Variants in CDH19 observed in about 807,000 individuals in gnomAD.
The protein encoded by CDH19 is cadherin 19.
A neutral mutation model predicts 64.2 loss-of-function variants in CDH19; 67 were observed. The ratio of observed to expected loss-of-function variants is 1.04; its 90% CI spans 0.86 to 1.28. CDH19 has a LOEUF of 1.28. Ranked by LOEUF, CDH19 falls within the 50% of genes most tolerant of loss-of-function variation. The probability of loss-of-function intolerance (pLI) is 0.00; values close to 1 mark genes in which losing one functional copy is unlikely to be tolerated. For missense variants in CDH19, 1,030 were observed against 929.0 expected (o/e 1.11, Z -1.41); for synonymous variants, 346 against 319.3 (o/e 1.08, Z -0.89).
At chr18:66,597,443 TA>T (rs1174746743) in intron 1 of CDH19, among the ~76,000 whole-genome samples, 1 of 151,894 alleles carries the variant, frequency 6.6e-6, no homozygotes. Context: ...TTCCACCATA[TA>T]AAAAAATCAG....
chr18:66,543,028 C>CT (rs1426244043), intron 7 of CDH19, among the ~76,000 whole-genome samples: 2 of 152,100 alleles, frequency 1.3e-5, no homozygotes, highest in Admixed American at 6.5e-5. Flanking sequence ...AAATAAGCCA[C>CT]TTTTTTGTTG....
intron 7 of CDH19, among the ~76,000 whole-genome samples, chr18:66,538,650 CA>C (rs1986770273): frequency 6.6e-6 from 1 of 152,130 alleles, no homozygotes. Flanking sequence ...TGCAACAAAA[CA>C]CCACAAACTG....
Position 66,554,395 on chromosome 18 carries a change from T to C in CDH19, c.610+10A>G. Reference sequence around the variant, plus strand: ...TCATGTTAAACTTTGCTTGTTTCATTCACAAATACCTGTTGTTGGTTCAAC... The same window carrying C: ...TCATGTTAAACTTTGCTTGTTTCATCCACAAATACCTGTTGTTGGTTCAAC... On this transcript the variant is annotated intron_variant, in intron 4 of 11. Coordinates refer to ENST00000262150, the MANE Select transcript of CDH19 (RefSeq NM_021153.4). The C allele has an allele frequency of 6.2e-7, 1 of 1,609,614 alleles. No homozygotes were observed.
At chr18:66,511,461 A>G in intron 10 of CDH19, 107 bp downstream of exon 10, 1 of 580,060 alleles carries the variant, frequency 1.7e-6, no homozygotes, top group Non-Finnish European at 3.1e-6. Flanking sequence ...ATTTCCAAAC[A>G]TTATTATGTT....
At chr18:66,551,376 A>T (rs1261473255) in intron 4 of CDH19, 118 bp from the exon 5 acceptor site, 10 of 643,410 alleles carry the variant, frequency 1.6e-5, no homozygotes, top group Non-Finnish European at 2.2e-5. Flanking sequence ...CTGCAATGTG[A>T]CAGAGACTTC....
chr18:66,538,193 T>C (rs1986748485), intron 7 of CDH19, among the ~76,000 whole-genome samples: 1 of 152,136 alleles, frequency 6.6e-6, no homozygotes, highest in African/African-American at 2.4e-5. Flanking sequence ...ATTGAAATAC[T>C]CTCTTCCAAA....
At chr18:66,521,315 G>C (rs1436389250) in intron 9 of CDH19, among the ~76,000 whole-genome samples, 1 of 152,070 alleles carries the variant, frequency 6.6e-6, no homozygotes, top group Non-Finnish European at 1.5e-5. Flanking sequence ...TGGATACAGA[G>C]TGCTTGGAAA....
rs1984954436 is a variant in CDH19, at chr18:66,501,797, A to T, written c.*3015T>A. On this transcript the variant is annotated 3_prime_UTR_variant, in exon 12 of 12. Coordinates refer to ENST00000262150, the MANE Select transcript of CDH19 (RefSeq NM_021153.4). ...ATTGGACGTCATTTTACAAAGTGAG[A>T]TCTGGAAAGATTAAGCAGTTTAACA... is the stretch of plus-strand genomic sequence containing the variant. 2 of 152,132 alleles carry T rather than the reference A, an allele frequency of 1.3e-5. No homozygotes were observed. Among genetic ancestry groups the T allele is most frequent in the Admixed American group, 1.3e-4 (2 of 15,244 alleles). 9.4% of individuals were successfully genotyped at this position (152,132 alleles called of 1,614,324 possible). A position where few individuals can be genotyped will look rare whatever the true frequency, so the allele number is the denominator to read the frequency against.
At chr18:66,580,905 A>T (rs1988403232) in intron 1 of CDH19, among the ~76,000 whole-genome samples, 1 of 152,080 alleles carries the variant, frequency 6.6e-6, no homozygotes, top group African/African-American at 2.4e-5. Context: ...CATTTCACAT[A>T]ATGCTCCACT....
At chr18:66,531,723 C>G (rs182297542) in intron 8 of CDH19, among the ~76,000 whole-genome samples, 4 of 152,154 alleles carry the variant, frequency 2.6e-5, no homozygotes, top group Admixed American at 2.6e-4. Flanking sequence ...CAGAATGCCT[C>G]AGTTGGCATT....
intron 4 of CDH19, 34 bp downstream of exon 4, chr18:66,554,371 C>A: frequency 6.2e-7 from 1 of 1,604,316 alleles, no homozygotes; most frequent in African/African-American, 1.3e-5. Context: ...TCTTTAGAAT[C>A]ATGTTAAACT....
At chr18:66,534,796 G>C (rs1986593700) in intron 8 of CDH19, among the ~76,000 whole-genome samples, 190 bp downstream of exon 8, 2 of 151,866 alleles carry the variant, frequency 1.3e-5, no homozygotes, top group African/African-American at 4.8e-5. Context: ...TTAGAAAATA[G>C]TTTAGAAGGT....
rs773566628 is a variant in CDH19, at chr18:66,529,805, A to T, written c.1458+40T>A. The stretch of plus-strand genomic sequence containing the variant: ...AGAAATTTCATATTATGAAACAATG[A>T]TATATTGTTTAGACTTTGTAATTTA... On this transcript the variant is annotated intron_variant, in intron 9 of 11. Transcript: ENST00000262150. 4.6e-6 allele frequency: 6 copies of T among 1,315,578 alleles called. No homozygotes were observed. The African/African-American group carries it at 9.2e-5, about 20-fold the overall frequency. The allele number at this position is 1,315,578 out of a possible 1,614,324, so 81.5% of individuals were successfully genotyped here.
intron 3 of CDH19, among the ~76,000 whole-genome samples, chr18:66,561,694 A>C (rs1987729425): frequency 6.6e-6 from 1 of 152,146 alleles, no homozygotes; most frequent in Admixed American, 6.6e-5. Context: ...GCAAAGAATC[A>C]AAATGACTTG....
At chr18:66,573,680 C>T (rs1988177176) in intron 1 of CDH19, among the ~76,000 whole-genome samples, 1 of 151,344 alleles carries the variant, frequency 6.6e-6, no homozygotes, top group Admixed American at 6.6e-5. Flanking sequence ...ATGAAGTTAG[C>T]TGGCTGTGTT....
chr18:66,544,789 T>G lies in CDH19; in HGVS notation c.890A>C (p.Glu297Ala), dbSNP rs776351506. ...ENAEMDYSIE[E>A]DDSQTFDIIT... ...AATGTCAAATGTTTGCGAATCATCC[T>G]CTTCAATGCTGTAATCCATTTCTGC... Residue 297 changes from glutamate (E) to alanine (A), a missense_variant, in exon 6 of 12, where the codon GAG (glutamate) becomes GCG (alanine). By Grantham distance (107) the Glu-to-Ala change is moderately radical. Coordinates refer to ENST00000262150, the MANE Select transcript of CDH19 (RefSeq NM_021153.4). 1 of 1,612,134 alleles carries G rather than the reference T, an allele frequency of 6.2e-7. No homozygotes were observed. The highest frequency in any genetic ancestry group is 1.1e-5 in the South Asian group (1 of 90,990).
At chr18:66,580,227 T>C (rs1412610240) in intron 1 of CDH19, among the ~76,000 whole-genome samples, 6 of 152,064 alleles carry the variant, frequency 3.9e-5, no homozygotes. Flanking sequence ...TTGGACACTA[T>C]TTTGGAGAAT....
In CDH19 at chr18:66,509,266, G is replaced by A. The variant is rs757783009; in HGVS notation, c.1577-20C>T. ...TGTTATCTAAAACAAAAATCCATGT[G>A]CATAATTTTTTCAACTACGTAAGAG... is the stretch of plus-strand genomic sequence containing the variant. On this transcript the variant is annotated intron_variant, in intron 10 of 11. Transcript: ENST00000262150. 10 of 1,607,098 alleles carry A rather than the reference G, an allele frequency of 6.2e-6. No individual in the cohort carries two copies. The Admixed American group carries it at 1.3e-4, about 22-fold the overall frequency.
intron 9 of CDH19, among the ~76,000 whole-genome samples, chr18:66,515,576 A>G (rs1167582555): frequency 6.6e-6 from 1 of 151,790 alleles, no homozygotes; most frequent in Non-Finnish European, 1.5e-5. Flanking sequence ...GGATACTCTA[A>G]GTTTTCTAAA....
Sources: gnomAD v4.1 joint callset for allele counts (sites outside exome capture counted in the v4.1 genomes callset) on GRCh38, gnomAD v4.1.1 for gene constraint, MANE v1.5 for transcripts, NCBI Gene and HGNC (gene_info 2026-07-23, HGNC 2026-07-21) for gene names.